Variants in LIPI observed in about 807,000 individuals in gnomAD.
The protein encoded by LIPI is lipase I, also known as lipase member I.
LIPI carries 59 observed loss-of-function variants against 50.6 expected under a neutral mutation model. The ratio of observed to expected loss-of-function variants is 1.16; its 90% confidence interval spans 0.94 to 1.45. The LOEUF (loss-of-function observed/expected upper bound fraction) is 1.45, where lower values mean the gene tolerates loss of function less well. Ranked by LOEUF, LIPI falls within the 40% of genes most tolerant of loss-of-function variation. The pLI is 0.00. For synonymous variants in LIPI, 203 were observed against 178.2 expected, an observed-to-expected ratio of 1.14 and a Z score of -1.11; for missense variants, 586 against 536.3, an observed-to-expected ratio of 1.09 and a Z score of -0.92.
chr21:14,147,775 G>A (rs73894171), intron 8 of LIPI, among the ~76,000 whole-genome samples: 13,018 of 152,072 alleles, frequency 0.086, 710 homozygotes, highest in East Asian at 0.27. Flanking sequence ...TTTCCTTAAC[G>A]TTCACTTATT....
At chr21:14,172,378 A>G (rs1208910120) in intron 4 of LIPI, among the ~76,000 whole-genome samples, 2 of 152,244 alleles carry the variant, frequency 1.3e-5, no homozygotes, top group Non-Finnish European at 2.9e-5. Flanking sequence ...TATATACCCA[A>G]AGGACTATAA....
chr21:14,170,817 C>T (rs1210540328), intron 4 of LIPI, among the ~76,000 whole-genome samples: 1 of 151,346 alleles, frequency 6.6e-6, no homozygotes, highest in Non-Finnish European at 1.5e-5. Context: ...GACAGGGGTG[C>T]CCTCTCTCAC....
chr21:14,153,588 A>G (rs2018174462), intron 7 of LIPI, among the ~76,000 whole-genome samples: 1 of 152,194 alleles, frequency 6.6e-6, no homozygotes, highest in African/African-American at 2.4e-5. Context: ...AGGAAGGGGA[A>G]GTGTCAGAAA....
chr21:14,180,003 C>T (rs531369407), intron 4 of LIPI, among the ~76,000 whole-genome samples: 1 of 152,222 alleles, frequency 6.6e-6, no homozygotes, highest in Non-Finnish European at 1.5e-5. Flanking sequence ...AATTCTTTTC[C>T]TAGCGAGGAA....
At chr21:14,118,793 G>C (rs1031626217) in intron 9 of LIPI, among the ~76,000 whole-genome samples, 2 of 152,196 alleles carry the variant, frequency 1.3e-5, no homozygotes, top group Non-Finnish European at 2.9e-5. Context: ...AACCTACCTG[G>C]TGCAGATCTG....
chr21:14,183,267 G>A (rs909080265), intron 3 of LIPI, among the ~76,000 whole-genome samples: 3 of 152,112 alleles, frequency 2.0e-5, no homozygotes, highest in African/African-American at 7.2e-5. Flanking sequence ...AAACTGGCTA[G>A]CCATATGTAG....
intron 4 of LIPI, 110 bp downstream of exon 4, chr21:14,181,648 T>C: frequency 1.5e-6 from 1 of 683,758 alleles, no homozygotes; most frequent in South Asian, 1.5e-5. Flanking sequence ...ATTACAGATT[T>C]AAAATCATTT....
intron 1 of LIPI, among the ~76,000 whole-genome samples, chr21:14,200,383 T>A (rs1176580213): frequency 6.6e-6 from 1 of 151,938 alleles, no homozygotes; most frequent in East Asian, 1.9e-4. Context: ...CCTCTTAAAT[T>A]GATAAAGAAG....
At chr21:14,171,081 A>G (rs914510059) in intron 4 of LIPI, among the ~76,000 whole-genome samples, 15 of 149,306 alleles carry the variant, frequency 1.0e-4, no homozygotes, top group African/African-American at 3.2e-4. Flanking sequence ...ACAGACAAAC[A>G]GAGAGCCAAA....
At chr21:14,134,173 G>C (rs918233057) in intron 9 of LIPI, among the ~76,000 whole-genome samples, 1 of 152,172 alleles carries the variant, frequency 6.6e-6, no homozygotes, top group Non-Finnish European at 1.5e-5. Context: ...CAAGGCTGTA[G>C]TGAACTGTGA....
intron 8 of LIPI, 53 bp downstream of exon 8, chr21:14,152,520 G>GA: frequency 1.1e-6 from 1 of 875,866 alleles, no homozygotes; most frequent in Non-Finnish European, 1.9e-6. Context: ...ATGGGATACT[G>GA]AAGAAAGCAA....
chr21:14,128,061 T>C (rs1271894822), intron 9 of LIPI, among the ~76,000 whole-genome samples: 7 of 152,076 alleles, frequency 4.6e-5, no homozygotes, highest in Admixed American at 4.6e-4. Flanking sequence ...AATAACGTTG[T>C]GTTCACCTTG....
intron 9 of LIPI, among the ~76,000 whole-genome samples, chr21:14,129,564 A>G (rs2017201954): frequency 6.6e-6 from 1 of 152,016 alleles, no homozygotes; most frequent in East Asian, 1.9e-4. Flanking sequence ...CAAACTAAAG[A>G]GAGAATCATT....
chr21:14,205,644 ATTTCTCTGTG>A (rs2020205377), intron 1 of LIPI, among the ~76,000 whole-genome samples: 1 of 151,916 alleles, frequency 6.6e-6, no homozygotes, highest in African/African-American at 2.4e-5. Context: ...GTTTATCTGT[ATTTCTCTGTG>A]TGATTTCTAT....
At chr21:14,135,640 C>T (rs750998567) in intron 9 of LIPI, among the ~76,000 whole-genome samples, 1 of 152,180 alleles carries the variant, frequency 6.6e-6, no homozygotes, top group South Asian at 2.1e-4. Flanking sequence ...AATCAGCAAT[C>T]CCAGTAGCCT....
chr21:14,113,741 G>T (rs2016506888), intron 9 of LIPI, among the ~76,000 whole-genome samples: 1 of 152,190 alleles, frequency 6.6e-6, no homozygotes, highest in Non-Finnish European at 1.5e-5. Context: ...GCCCAAGACT[G>T]GGTAATTTAT....
rs1568838564 is a variant in LIPI at position 14,129,812 on chromosome 21, A to ATTTTT, written c.1295+14810_1295+14811insAAAAA. ...TGACTCTAATTGTTTTTTTTTTTAA[A>ATTTTT]AAAAAAAAAAGCTTATTTCTCACCT... is the stretch of plus-strand genomic sequence containing the variant. On this transcript the variant is annotated intron_variant, in intron 9 of 9. Transcript: ENST00000681601. Among the ~76,000 whole-genome samples the ATTTTT allele has an allele frequency of 5.5e-5, 7 of 127,834 alleles. No homozygotes were observed. The South Asian group carries it at 1.5e-3, about 27-fold the overall frequency. 83.9% of individuals were successfully genotyped at this position (127,834 alleles called of 152,430 possible). A position where few individuals can be genotyped will look rare whatever the true frequency, so the allele number is the denominator to read the frequency against.
chr21:14,153,726 A>G (rs1423254368), intron 7 of LIPI, among the ~76,000 whole-genome samples: 2 of 152,160 alleles, frequency 1.3e-5, no homozygotes, highest in African/African-American at 4.8e-5. Context: ...GAACAGGAGA[A>G]ATGATGCTAA....
chr21:14,156,661 GTGATATAGCT>G (rs1568854838), intron 7 of LIPI, among the ~76,000 whole-genome samples: 1 of 151,646 alleles, frequency 6.6e-6, no homozygotes, highest in African/African-American at 2.4e-5. Context: ...TACAAATAAT[GTGATATAGCT>G]ATAAAAAACA....
Sources: allele counts gnomAD v4.1 joint callset (sites outside exome capture counted in the v4.1 genomes callset), GRCh38; gene constraint gnomAD v4.1.1; transcripts MANE v1.5; gene names NCBI Gene and HGNC (gene_info 2026-07-23, HGNC 2026-07-21).